Variants in SDK2 observed in about 807,000 individuals in gnomAD.
SDK2 encodes the protein sidekick cell adhesion molecule 2.
Under a neutral mutation model 253.9 loss-of-function variants are expected in SDK2, and 105 were observed. That is an observed-to-expected ratio of 0.41 (90% CI 0.35 to 0.49). The LOEUF is 0.49. Ranked by LOEUF, SDK2 falls within the 20% of genes least tolerant of loss-of-function variation. The probability of loss-of-function intolerance (pLI) is 0.06; values close to 1 mark genes in which losing one functional copy is unlikely to be tolerated. For synonymous variants in SDK2, 1,249 were observed against 1,234.9 expected (o/e 1.01, Z -0.24); for missense variants, 2,608 against 3,003.0 (o/e 0.87, Z 3.07).
Position 73,643,985 on chromosome 17 carries a change from CCAG to C in SDK2, c.64+37_64+39del. On this transcript the variant is annotated intron_variant, in intron 1 of 44. Transcript: ENST00000392650. This position sits in a 1 kb window ranked among gnomAD's most constrained non-coding sequence, Gnocchi z 6.9. Reference sequence around the variant, plus strand: ...CGCCGCCCCTCCCCCGCCCACTCTCCCAGCCCCCTCCCTGTCCCCACGTGGGGG... The same window carrying C: ...CGCCGCCCCTCCCCCGCCCACTCTCCCCCCCTCCCTGTCCCCACGTGGGGG... 6.9e-7 allele frequency: 1 copy of C among 1,450,780 alleles called. No homozygotes were observed. The highest frequency in any genetic ancestry group is 9.4e-7 in the Non-Finnish European group (1 of 1,059,944). 89.9% of individuals were successfully genotyped at this position (1,450,780 alleles called of 1,614,324 possible).
At chr17:73,502,635 AG>A (rs1402851397) in intron 2 of SDK2, among the ~76,000 whole-genome samples, 1 of 152,208 alleles carries the variant, frequency 6.6e-6, no homozygotes, top group Non-Finnish European at 1.5e-5. Context: ...ATTACTTTAA[AG>A]GGGGTCAGAA....
chr17:73,390,130 C>T (rs970175787), intron 29 of SDK2, among the ~76,000 whole-genome samples, 157 bp downstream of exon 29: 1 of 152,212 alleles, frequency 6.6e-6, no homozygotes, highest in African/African-American at 2.4e-5. Context: ...GTCTATTAGA[C>T]CCCTTGCTGA....
chr17:73,602,657 C>A (rs1054983389), intron 1 of SDK2, among the ~76,000 whole-genome samples: 1 of 151,914 alleles, frequency 6.6e-6, no homozygotes, highest in African/African-American at 2.4e-5. Context: ...AATCTATGTT[C>A]GGGTCTGGGC....
Position 73,467,595 on chromosome 17 carries a change from G to A in SDK2, c.331+4517C>T, listed in dbSNP as rs1481581086. On this transcript the variant is annotated intron_variant, in intron 3 of 44. Transcript: ENST00000392650. This position sits in a 1 kb window ranked among gnomAD's most constrained non-coding sequence, Gnocchi z 4.1. ...TCTTCAGCTTCTACAGCTAGAGAGG[G>A]AGGCCCCCTGGGATGAGGCCAGTGT... Among the ~76,000 whole-genome samples, 1 of 152,196 alleles carries A rather than the reference G, an allele frequency of 6.6e-6. No homozygotes were observed. The highest frequency in any genetic ancestry group is 2.4e-5 in the African/African-American group (1 of 41,444).
chr17:73,373,440 C>T lies in SDK2; in HGVS notation c.4981-4847G>A, dbSNP rs375597030. Among the ~76,000 whole-genome samples the T allele has an allele frequency of 2.6e-5, 4 of 152,142 alleles. No individual in the cohort carries two copies. The East Asian group carries it at 5.8e-4, about 22-fold the overall frequency. On this transcript the variant is annotated intron_variant, in intron 36 of 44. Transcript: ENST00000392650. ...TTAATTTTCTGCGGAACTTCCATAC[C>T]GTTATCCATAATGGCTGTACTGATA... is the stretch of plus-strand genomic sequence containing the variant.
At chr17:73,473,661 G>A (rs865819142) in intron 2 of SDK2, among the ~76,000 whole-genome samples, 2 of 152,116 alleles carry the variant, frequency 1.3e-5, no homozygotes, top group Non-Finnish European at 2.9e-5. Context: ...CACCCCTTCC[G>A]GAGCACCATC....
At chr17:73,348,760 A>G in intron 43 of SDK2, 35 bp from the exon 44 acceptor site, 1 of 1,585,776 alleles carries the variant, frequency 6.3e-7, no homozygotes, top group East Asian at 2.2e-5. Flanking sequence ...CGAGAGGTGC[A>G]CTCACTCAGA....
intron 1 of SDK2, among the ~76,000 whole-genome samples, chr17:73,599,849 G>A (rs150191494): frequency 6.6e-6 from 1 of 152,316 alleles, no homozygotes; most frequent in African/African-American, 2.4e-5. Flanking sequence ...AGGGGCCCAG[G>A]CTCCTCAGCT....
At chr17:73,484,411 C>G (rs1475861318) in intron 2 of SDK2, among the ~76,000 whole-genome samples, 1 of 152,190 alleles carries the variant, frequency 6.6e-6, no homozygotes, top group Non-Finnish European at 1.5e-5. Context: ...GCTTCTCAAA[C>G]TGGGAGAAGC....
At chr17:73,602,070 T>C (rs2143063364) in intron 1 of SDK2, among the ~76,000 whole-genome samples, 1 of 152,356 alleles carries the variant, frequency 6.6e-6, no homozygotes, top group East Asian at 1.9e-4. Flanking sequence ...ACAACCCAGT[T>C]TGTAGTGCTT....
chr17:73,398,490 G>A, intron 22 of SDK2, 61 bp from the exon 23 acceptor site: 1 of 1,420,732 alleles, frequency 7.0e-7, no homozygotes, highest in Non-Finnish European at 9.8e-7. Flanking sequence ...GGTGCTCCGA[G>A]CCCCAGTACA....
chr17:73,391,003 C>T (rs988617845), intron 28 of SDK2, among the ~76,000 whole-genome samples: 4 of 152,142 alleles, frequency 2.6e-5, no homozygotes, highest in African/African-American at 4.8e-5. Flanking sequence ...ACGCAGCTGC[C>T]GACCGGAACC....
At chr17:73,406,019 G>A (rs575477367) in intron 18 of SDK2, among the ~76,000 whole-genome samples, 90 of 152,102 alleles carry the variant, frequency 5.9e-4, no homozygotes, top group Non-Finnish European at 1.2e-3. Flanking sequence ...CACCGTGCCC[G>A]GCCCCTCCTC....
At chr17:73,430,956 G>A (rs2063321636) in intron 11 of SDK2, among the ~76,000 whole-genome samples, 1 of 152,242 alleles carries the variant, frequency 6.6e-6, no homozygotes. Flanking sequence ...CAGGTATGCT[G>A]GGTGTGGATC....
In SDK2 at chr17:73,456,023, T is replaced by C; in HGVS notation, c.362A>G (p.His121Arg). The change falls in exon 4 of 45, where the codon CAC (histidine) becomes CGC (arginine). Residue 121 changes from histidine to arginine, a missense_variant. His to Arg is a conservative substitution (Grantham distance 29). Transcript: ENST00000392650. ...YMGSFEEGEKHQSVSHGEAAV... is the reference protein window; with the variant it reads ...YMGSFEEGEKRQSVSHGEAAV... ...TGCTTCTCCGTGGGAGACGCTCTGGTGCTTCTCACCTTCCTCAAAGCTCCC... is the reference window on the plus strand; with the variant it reads ...TGCTTCTCCGTGGGAGACGCTCTGGCGCTTCTCACCTTCCTCAAAGCTCCC... The C allele has an allele frequency of 6.5e-7, 1 of 1,535,702 alleles. No homozygotes were observed. The highest frequency in any genetic ancestry group is 8.8e-7 in the Non-Finnish European group (1 of 1,137,824).
intron 16 of SDK2, 50 bp from the exon 17 acceptor site, chr17:73,416,042 C>T (rs1180636591): frequency 6.5e-7 from 1 of 1,532,122 alleles, no homozygotes. Context: ...CTTCCTTGGC[C>T]TCGTACCCAG....
intron 1 of SDK2, among the ~76,000 whole-genome samples, chr17:73,608,319 C>T (rs2045932472): frequency 6.6e-6 from 1 of 152,050 alleles, no homozygotes; most frequent in Non-Finnish European, 1.5e-5. Flanking sequence ...AGGTAAAGGG[C>T]CCTTCTCATC....
chr17:73,583,381 C>T (rs1289729430), intron 1 of SDK2, among the ~76,000 whole-genome samples: 2 of 152,206 alleles, frequency 1.3e-5, no homozygotes, highest in African/African-American at 4.8e-5. Context: ...CGGGTGAGCA[C>T]TTTGGGCTGC....
chr17:73,485,095 T>A, intron 2 of SDK2, among the ~76,000 whole-genome samples: 1 of 152,160 alleles, frequency 6.6e-6, no homozygotes, highest in Non-Finnish European at 1.5e-5. Flanking sequence ...CGTTAGGACA[T>A]CAACATATAT....
Sources: allele counts gnomAD v4.1 joint callset (sites outside exome capture counted in the v4.1 genomes callset), GRCh38; gene constraint gnomAD v4.1.1; non-coding constraint Gnocchi (gnomAD v3.1); transcripts MANE v1.5; gene names NCBI Gene and HGNC (gene_info 2026-07-23, HGNC 2026-07-21).